Variants in ZNF469 observed in about 807,000 individuals in gnomAD.
The protein encoded by ZNF469 is zinc finger protein 469.
In ZNF469, 1 loss-of-function variant was observed where a neutral mutation model predicts 1.0. The ratio of observed to expected loss-of-function variants is 1.00; its 90% confidence interval spans 0.35 to 4.73. ZNF469 has a LOEUF of 4.73. Among genes scored for constraint, ZNF469 ranks in the 30% most tolerant of loss-of-function variants. The pLI is 0.16. For synonymous variants in ZNF469, 2,703 were observed against 2,363.4 expected (o/e 1.14, Z -4.17); for missense variants, 6,100 against 5,356.3 (o/e 1.14, Z -4.33).
rs1284314825 is a variant in ZNF469, at chr16:88,433,054, G to A, written c.5584G>A (p.Ala1862Thr). 23 of 1,550,154 alleles carry A rather than the reference G, an allele frequency of 1.5e-5. 1 individual carries two copies. In the East Asian group the frequency reaches 4.9e-4, roughly 33 times the overall value. The change falls in exon 3 of 3, where the codon GCC becomes ACC. Residue 1862 changes from alanine to threonine, a missense_variant. Transcript: ENST00000565624. ...FEGNEFAPAG[A>T]SSLTAPRGRE... is the part of the protein sequence containing the mutation. ...GGGTAATGAGTTTGCACCGGCGGGG[G>A]CCTCCTCACTGACTGCCCCCCGGGG...
chr16:88,335,436 A>C, the ZNF469 span, among the ~76,000 whole-genome samples: 1 of 152,234 alleles, frequency 6.6e-6, no homozygotes, highest in Admixed American at 6.5e-5. Context: ...TTACTTCTGC[A>C]GCTGGTGCCA....
intron 1 of ZNF469, among the ~76,000 whole-genome samples, chr16:88,400,482 GCTGTGGGT>G (rs1904822500): frequency 6.6e-6 from 1 of 152,256 alleles, no homozygotes; most frequent in African/African-American, 2.4e-5. Flanking sequence ...TCCCAGAGCT[GCTGTGGGT>G]CTTGGAAGCA....
At chr16:88,276,774 G>A in the ZNF469 span, among the ~76,000 whole-genome samples, 21 of 152,084 alleles carry the variant, frequency 1.4e-4, no homozygotes, top group African/African-American at 4.1e-4. Context: ...GCCACCCTAC[G>A]CTGACACTAG....
the ZNF469 span, among the ~76,000 whole-genome samples, chr16:88,234,259 T>C: frequency 6.6e-6 from 1 of 152,252 alleles, no homozygotes. Flanking sequence ...ACGTGGGTCG[T>C]GGCCTCCCTC....
At chr16:88,140,403 C>T in the ZNF469 span, among the ~76,000 whole-genome samples, 40 of 148,106 alleles carry the variant, frequency 2.7e-4, no homozygotes, top group Non-Finnish European at 5.2e-4. Context: ...AGGACGGAGC[C>T]GTGTAGAAAT....
chr16:88,324,253 A>G, the ZNF469 span, among the ~76,000 whole-genome samples: 1 of 152,256 alleles, frequency 6.6e-6, no homozygotes. Flanking sequence ...TTTCTGAGCA[A>G]TACTTCTGCA....
At chr16:88,343,106 G>A in the ZNF469 span, among the ~76,000 whole-genome samples, 1 of 152,188 alleles carries the variant, frequency 6.6e-6, no homozygotes, top group Admixed American at 6.5e-5. Context: ...AAAGCAGCGG[G>A]AACATAGCAC....
the ZNF469 span, among the ~76,000 whole-genome samples, chr16:88,357,371 A>G: frequency 6.6e-6 from 1 of 152,200 alleles, no homozygotes; most frequent in Non-Finnish European, 1.5e-5. Context: ...CCACCTGCAG[A>G]TATCCAGTCC....
intron 1 of ZNF469, among the ~76,000 whole-genome samples, chr16:88,417,829 G>A (rs1905344838): frequency 6.6e-6 from 1 of 152,246 alleles, no homozygotes; most frequent in Admixed American, 6.5e-5. Context: ...CCCATGGCCT[G>A]GCAGGGGAGT....
the ZNF469 span, among the ~76,000 whole-genome samples, chr16:88,186,547 C>G: frequency 6.6e-6 from 1 of 152,358 alleles, no homozygotes; most frequent in African/African-American, 2.4e-5. Context: ...TTCCGACCGC[C>G]TCTGCTCCCA....
the ZNF469 span, among the ~76,000 whole-genome samples, chr16:88,329,552 G>A: frequency 6.6e-6 from 1 of 152,140 alleles, no homozygotes; most frequent in African/African-American, 2.4e-5. Context: ...CCCCAGAGGG[G>A]CTCCCTTCTC....
At chr16:88,383,544 C>G (rs2092530682) in intron 1 of ZNF469, among the ~76,000 whole-genome samples, 1 of 149,848 alleles carries the variant, frequency 6.7e-6, no homozygotes, top group Non-Finnish European at 1.5e-5. Context: ...GGTCCGGCTC[C>G]GTGGGCAGTT....
At chr16:88,296,842 G>A in the ZNF469 span, among the ~76,000 whole-genome samples, 1 of 150,172 alleles carries the variant, frequency 6.7e-6, no homozygotes, top group Non-Finnish European at 1.5e-5. Context: ...ACACACTCAC[G>A]CACCCACACC....
chr16:88,226,861 G>A, the ZNF469 span, among the ~76,000 whole-genome samples: 2 of 152,010 alleles, frequency 1.3e-5, no homozygotes, highest in Admixed American at 1.3e-4. Flanking sequence ...CCAAAGCAAA[G>A]GGCGTGTGGG....
the ZNF469 span, among the ~76,000 whole-genome samples, chr16:88,104,735 C>T: frequency 2.0e-5 from 3 of 152,340 alleles, no homozygotes; most frequent in Admixed American, 6.5e-5. Flanking sequence ...CCAGTGTGGA[C>T]GCTCCTATCC....
At chr16:88,350,207 C>T in the ZNF469 span, among the ~76,000 whole-genome samples, 19 of 152,226 alleles carry the variant, frequency 1.2e-4, no homozygotes, top group Non-Finnish European at 2.1e-4. Context: ...CTGCTCCAGG[C>T]GGATCTCCAA....
At chr16:88,166,772 A>AACACAC in the ZNF469 span, among the ~76,000 whole-genome samples, 13,251 of 145,570 alleles carry the variant, frequency 0.091, 754 homozygotes, top group East Asian at 0.24. The surrounding 1 kb of genome is among the most constrained non-coding windows in gnomAD (Gnocchi z 4.5). Flanking sequence ...CAGAATCATA[A>AACACAC]ACACACACAC....
chr16:88,173,869 AAG>A, the ZNF469 span, among the ~76,000 whole-genome samples: 1 of 152,210 alleles, frequency 6.6e-6, no homozygotes, highest in East Asian at 1.9e-4. Flanking sequence ...AGTAGGATAA[AAG>A]AGAATCATTA....
chr16:88,119,757 C>T, the ZNF469 span, among the ~76,000 whole-genome samples: 2 of 152,190 alleles, frequency 1.3e-5, no homozygotes, highest in African/African-American at 2.4e-5. Context: ...GGGAAGTCAA[C>T]GGCAGACTGA....
Sources: gnomAD v4.1 joint callset for allele counts (sites outside exome capture counted in the v4.1 genomes callset) on GRCh38, gnomAD v4.1.1 for gene constraint, Gnocchi (gnomAD v3.1) non-coding constraint, MANE v1.5 for transcripts, NCBI Gene and HGNC (gene_info 2026-07-23, HGNC 2026-07-21) for gene names.